The following MSANTD4 variants were observed in gnomAD, a reference collection of about 807,000 sequenced individuals.
The protein encoded by MSANTD4 is myb/SANT-like DNA-binding domain-containing protein 4.
A neutral mutation model predicts 34.3 loss-of-function variants in MSANTD4; 13 were observed. That is an observed-to-expected ratio of 0.38 (90% confidence interval 0.25 to 0.60). The LOEUF is 0.60. Ranked by LOEUF, MSANTD4 falls within the 20% of genes least tolerant of loss-of-function variation. The pLI is 0.63. For missense variants in MSANTD4, 358 were observed against 401.8 expected, an observed-to-expected ratio of 0.89 and a Z score of 0.93; for synonymous variants, 137 against 145.2, an observed-to-expected ratio of 0.94 and a Z score of 0.41.
Position 106,009,887 on chromosome 11 carries a change from T to A in MSANTD4, c.686A>T (p.Glu229Val). 1 of 1,613,588 alleles carries A rather than the reference T, an allele frequency of 6.2e-7. No homozygotes were observed. Among genetic ancestry groups the A allele is most frequent in the Non-Finnish European group, 8.5e-7 (1 of 1,179,916 alleles). Residue 229 changes from glutamate to valine, a missense_variant, in exon 3 of 3, where the codon GAA becomes GTA. Physicochemically the swap from Glu to Val is moderately radical, Grantham distance 121 (BLOSUM62 -2). Around this residue, in one of 2 missense-constraint regions of MSANTD4, gnomAD observed 312 missense variants for 317.6 expected, o/e 0.98. Transcript: ENST00000301919. The stretch of plus-strand genomic sequence containing the variant: ...TTTCTCGATTTGTAGGCGTTCCTTT[T>A]CTACCTGCAGCCTTTCGGCCTCGAT... ...LDIEAERLQV[E>V]KERLQIEKER...
intron 1 of MSANTD4, among the ~76,000 whole-genome samples, chr11:106,020,026 C>T (rs1859982674): frequency 1.3e-5 from 2 of 152,158 alleles, no homozygotes; most frequent in Non-Finnish European, 2.9e-5. Context: ...AGTAAGCCCA[C>T]AAATGTCAGC....
rs773317277 is a variant in MSANTD4 at position 106,010,518 on chromosome 11, C to A, written c.400G>T (p.Ala134Ser). ...DWQNVADFRDAGGSLTEVKVE... is the reference protein window; with the variant it reads ...DWQNVADFRDSGGSLTEVKVE... ...TTGACCTCAGTTAAGGATCCACCTG[C>A]ATCCCTGAAATCTGCCACATTTTGC... is the stretch of plus-strand genomic sequence containing the variant. The change falls in exon 2 of 3, where the codon GCA (alanine) becomes TCA (serine). Residue 134 changes from alanine to serine, a missense_variant. By Grantham distance (99) the Ala-to-Ser change is moderately conservative. This residue lies in a region of MSANTD4 where 312 missense variants were observed against 317.6 expected (regional missense o/e 0.98). Transcript: ENST00000301919. 1.2e-6 allele frequency: 2 copies of A among 1,614,186 alleles called. No individual in the cohort carries two copies. The highest frequency in any genetic ancestry group is 1.7e-6 in the Non-Finnish European group (2 of 1,180,018).
chr11:106,012,343 C>T (rs921757364), intron 1 of MSANTD4, among the ~76,000 whole-genome samples: 3 of 152,100 alleles, frequency 2.0e-5, no homozygotes, highest in African/African-American at 7.2e-5. Flanking sequence ...CCAGGCTGGA[C>T]TATATTTTTG....
chr11:106,014,690 T>C (rs1460689643), intron 1 of MSANTD4, among the ~76,000 whole-genome samples: 1 of 152,228 alleles, frequency 6.6e-6, no homozygotes, highest in Non-Finnish European at 1.5e-5. Context: ...ATTAAACCTT[T>C]ATGCATTTTT....
At chr11:106,015,180 A>G (rs943486321) in intron 1 of MSANTD4, among the ~76,000 whole-genome samples, 2 of 152,220 alleles carry the variant, frequency 1.3e-5, no homozygotes, top group Admixed American at 1.3e-4. Context: ...TAGAAACATC[A>G]AAAGAGGTAG....
At chr11:106,010,432 G>C in intron 2 of MSANTD4, 24 bp downstream of exon 2, 1 of 1,568,586 alleles carries the variant, frequency 6.4e-7, no homozygotes, top group Non-Finnish European at 8.6e-7. Context: ...AAGATTAAAA[G>C]AGGGTACAGA....
At chr11:106,018,067 A>T (rs1052418028) in intron 1 of MSANTD4, among the ~76,000 whole-genome samples, 2 of 152,122 alleles carry the variant, frequency 1.3e-5, no homozygotes, top group African/African-American at 4.8e-5. Flanking sequence ...TGTTCAATAG[A>T]AATACAATGT....
chr11:106,013,962 G>T (rs1358855179), intron 1 of MSANTD4, among the ~76,000 whole-genome samples: 2 of 152,230 alleles, frequency 1.3e-5, no homozygotes, highest in Non-Finnish European at 2.9e-5. Context: ...GGAAGGTCCA[G>T]ATAAAATTCT....
chr11:106,009,995 G>A lies in MSANTD4; in HGVS notation c.578C>T (p.Pro193Leu). Residue 193 changes from proline to leucine, a missense_variant, in exon 3 of 3, where the codon CCA (proline) becomes CTA (leucine). Transcript: ENST00000301919. ...IDEFFTLNST[P>L]SRSAYDEPHL... ...AGGCTCATCATATGCAGATCTAGAT[G>A]GTGTTGAGTTAAGGGTAAAAAACTC... is the stretch of plus-strand genomic sequence containing the variant. The A allele has an allele frequency of 1.2e-6, 2 of 1,608,390 alleles. No individual in the cohort carries two copies. The highest frequency in any genetic ancestry group is 1.7e-6 in the Non-Finnish European group (2 of 1,179,890).
chr11:106,016,117 T>A (rs890404855), intron 1 of MSANTD4, among the ~76,000 whole-genome samples: 1 of 152,172 alleles, frequency 6.6e-6, no homozygotes, highest in East Asian at 1.9e-4. Flanking sequence ...CTTAGCCTCC[T>A]AAAGTGCTAG....
In MSANTD4 at chr11:106,010,525, G is replaced by A. The variant is rs376260143; in HGVS notation, c.393C>T (p.Phe131=). The A allele has an allele frequency of 5.0e-6, 8 of 1,613,978 alleles. No individual in the cohort carries two copies. The African/African-American group carries it at 8.0e-5, about 16-fold the overall frequency. Residue 131 remains phenylalanine (F), a synonymous_variant, in exon 2 of 3, where the codon TTC becomes TTT. Coordinates refer to ENST00000301919, the MANE Select transcript of MSANTD4 (RefSeq NM_032424.3). ...ANFDWQNVAD[F]RDAGGSLTEV... is the part of the protein sequence containing the mutation. ...CAGTTAAGGATCCACCTGCATCCCT[G>A]AAATCTGCCACATTTTGCCAGTCAA...
Position 106,009,333 on chromosome 11 carries a change from A to T in MSANTD4, c.*202T>A. On this transcript the variant is annotated 3_prime_UTR_variant, in exon 3 of 3. Coordinates refer to ENST00000301919, the MANE Select transcript of MSANTD4 (RefSeq NM_032424.3). The stretch of plus-strand genomic sequence containing the variant: ...TATTATAAGGTAAAGAGTCCAGCAC[A>T]GTAAGTTTCTGCTATACTGTTTACG... 1.8e-6 allele frequency: 1 copy of T among 546,342 alleles called. No individual in the cohort carries two copies. Among genetic ancestry groups the T allele is most frequent in the Admixed American group, 3.3e-5 (1 of 30,142 alleles). 33.8% of individuals were successfully genotyped at this position (546,342 alleles called of 1,614,324 possible). A position where few individuals can be genotyped will look rare whatever the true frequency, so the allele number is the denominator to read the frequency against.
intron 1 of MSANTD4, among the ~76,000 whole-genome samples, chr11:106,012,992 C>T (rs553906550): frequency 6.6e-6 from 1 of 152,212 alleles, no homozygotes; most frequent in Admixed American, 6.5e-5. Context: ...TGTCTCATAG[C>T]GGCAGAAAAT....
intron 1 of MSANTD4, among the ~76,000 whole-genome samples, chr11:106,019,293 T>C (rs934542932): frequency 6.6e-6 from 1 of 152,202 alleles, no homozygotes; most frequent in Non-Finnish European, 1.5e-5. Flanking sequence ...GCCCTATATG[T>C]AATTTTAAAT....
intron 2 of MSANTD4, 52 bp from the exon 3 acceptor site, chr11:106,010,162 A>C (rs777128813): frequency 6.9e-7 from 1 of 1,444,634 alleles, no homozygotes; most frequent in African/African-American, 1.4e-5. Context: ...CTTTGTGGCA[A>C]TTTGTCTAAA....
At chr11:106,019,444 T>C (rs1859963375) in intron 1 of MSANTD4, among the ~76,000 whole-genome samples, 1 of 152,242 alleles carries the variant, frequency 6.6e-6, no homozygotes, top group Admixed American at 6.5e-5. Flanking sequence ...AATGTAAGGC[T>C]ACTGGCTACC....
chr11:106,019,080 C>A (rs972932723), intron 1 of MSANTD4, among the ~76,000 whole-genome samples: 4 of 152,200 alleles, frequency 2.6e-5, no homozygotes, highest in Non-Finnish European at 5.9e-5. Context: ...TATTGTAAAC[C>A]CTATCTGAAC....
In MSANTD4 at chr11:106,010,059, T is replaced by G; in HGVS notation, c.514A>C (p.Arg172=). Residue 172 remains arginine, a synonymous_variant, in exon 3 of 3, where the codon AGG becomes CGG. Coordinates refer to ENST00000301919, the MANE Select transcript of MSANTD4 (RefSeq NM_032424.3). Reference sequence around the variant, plus strand: ...AAATCGGGAAGTTCATTTTCTCTCCTGGAATCTGGTATGACGGATGACAAC... The same window carrying G: ...AAATCGGGAAGTTCATTTTCTCTCCGGGAATCTGGTATGACGGATGACAAC... ...EMLSSVIPDS[R]RENELPDFPH... is the part of the protein sequence containing the mutation. 1.3e-6 allele frequency: 2 copies of G among 1,598,666 alleles called. No individual in the cohort carries two copies. The highest frequency in any genetic ancestry group is 1.7e-6 in the Non-Finnish European group (2 of 1,179,408).
intron 1 of MSANTD4, among the ~76,000 whole-genome samples, chr11:106,014,213 T>C (rs992040694): frequency 6.6e-6 from 1 of 152,252 alleles, no homozygotes; most frequent in African/African-American, 2.4e-5. Context: ...AACTAACTTA[T>C]GTAACCTTCC....
Sources: gnomAD v4.1 joint callset for allele counts (sites outside exome capture counted in the v4.1 genomes callset) on GRCh38, gnomAD v4.1.1 for gene constraint, gnomAD v4.1.1 regional missense constraint, MANE v1.5 for transcripts, NCBI Gene and HGNC (gene_info 2026-07-23, HGNC 2026-07-21) for gene names.